SCN2A: variants seen among roughly 807,000 people sequenced by gnomAD.
SCN2A encodes sodium channel protein type 2 subunit alpha.
A neutral mutation model predicts 188.7 loss-of-function variants in SCN2A; 20 were observed. That is an observed-to-expected ratio of 0.11 (90% CI 0.07 to 0.15). The LOEUF is 0.15. SCN2A is among the 10% of genes least tolerant of loss of function. SCN2A has a pLI of 1.00. For missense variants in SCN2A, 1,278 were observed against 2,445.0 expected (o/e 0.52, Z 10.07); for synonymous variants, 804 against 833.1 (o/e 0.97, Z 0.60).
intron 14 of SCN2A, among the ~76,000 whole-genome samples, chr2:165,341,383 G>A (rs926884938): frequency 6.6e-6 from 1 of 152,162 alleles, no homozygotes; most frequent in Non-Finnish European, 1.5e-5. Flanking sequence ...GTGAGCCACC[G>A]CGCCCGGCCC....
intron 16 of SCN2A, among the ~76,000 whole-genome samples, chr2:165,346,657 G>T (rs1226315175): frequency 6.6e-6 from 1 of 152,170 alleles, no homozygotes; most frequent in Non-Finnish European, 1.5e-5. Context: ...ACTATCATCA[G>T]AGTGAACAGG....
At chr2:165,327,469 A>G (rs1698420269) in intron 13 of SCN2A, 2 of 180,216 alleles carry the variant, frequency 1.1e-5, no homozygotes, top group African/African-American at 4.8e-5. Context: ...CTCTGACCAG[A>G]TTCTTACAAT....
chr2:165,303,270 GTTTTTTTTT>G (rs71028477), intron 3 of SCN2A, among the ~76,000 whole-genome samples: 2 of 91,332 alleles, frequency 2.2e-5, no homozygotes, highest in Admixed American at 1.5e-4. Context: ...TGTTATTTGA[GTTTTTTTTT>G]TTTTTTTTTT....
chr2:165,306,502 TTTTGTGTGTGTGTG>T (rs1482420789), intron 3 of SCN2A, among the ~76,000 whole-genome samples: 3 of 118,842 alleles, frequency 2.5e-5, no homozygotes, highest in Admixed American at 1.0e-4. Context: ...TGAAATGGTA[TTTTGTGTGTGTGTG>T]TGTGTGTGTG....
At chr2:165,369,157 G>A (rs919011224) in intron 19 of SCN2A, among the ~76,000 whole-genome samples, 38 of 152,152 alleles carry the variant, frequency 2.5e-4, no homozygotes, top group African/African-American at 9.2e-4. Flanking sequence ...TCGAACTCCT[G>A]GCCTCAAGAG....
At chr2:165,348,358 C>CAAAA (rs559810900) in intron 16 of SCN2A, among the ~76,000 whole-genome samples, 5 of 80,588 alleles carry the variant, frequency 6.2e-5, no homozygotes, top group African/African-American at 2.0e-4. Flanking sequence ...GACTCTGTTG[C>CAAAA]AAAAAAAAAA....
chr2:165,246,385 C>G (rs2106058807), intron 1 of SCN2A, among the ~76,000 whole-genome samples: 1 of 152,154 alleles, frequency 6.6e-6, no homozygotes, highest in South Asian at 2.1e-4. Flanking sequence ...TTCAGACATC[C>G]ACTCCCATGG....
rs372948005 is a variant in SCN2A, at chr2:165,295,789, G to A, written c.-35G>A. The A allele has an allele frequency of 1.2e-6, 2 of 1,613,672 alleles. No individual in the cohort carries two copies. Among genetic ancestry groups the A allele is most frequent in the Non-Finnish European group, 1.7e-6 (2 of 1,179,954 alleles). On this transcript the variant is annotated 5_prime_UTR_variant, in exon 2 of 27. Coordinates refer to ENST00000375437, the MANE Select transcript of SCN2A (RefSeq NM_001040142.2). ...TTTCTGTAGCACTTTCTTATGCAAG[G>A]AGCTAAACAGTGATTAAAGGAGCAG...
At chr2:165,249,046 C>A (rs1184499704) in intron 1 of SCN2A, among the ~76,000 whole-genome samples, 1 of 152,048 alleles carries the variant, frequency 6.6e-6, no homozygotes, top group Non-Finnish European at 1.5e-5. Context: ...TTACTGAAGA[C>A]CTTTTCCTGA....
At chr2:165,370,665 A>G in intron 20 of SCN2A, 1 of 250,108 alleles carries the variant, frequency 4.0e-6, no homozygotes, top group East Asian at 9.1e-5. Flanking sequence ...TATGTTTGTC[A>G]TCACTAAAGC....
At chr2:165,270,798 C>G (rs906464467) in intron 1 of SCN2A, 7 of 152,158 alleles carry the variant, frequency 4.6e-5, no homozygotes, top group Admixed American at 4.6e-4. Context: ...ATCCACGAAG[C>G]CTCTGCACAT....
At chr2:165,379,087 T>C (rs1701462595) in intron 23 of SCN2A, among the ~76,000 whole-genome samples, 1 of 151,842 alleles carries the variant, frequency 6.6e-6, no homozygotes, top group Non-Finnish European at 1.5e-5. Context: ...TTTTTAATAC[T>C]GCAATTCTAC....
chr2:165,343,062 A>G (rs1699396313), intron 15 of SCN2A, among the ~76,000 whole-genome samples: 1 of 152,218 alleles, frequency 6.6e-6, no homozygotes. Flanking sequence ...TATAAAAACT[A>G]TTAGATCTTA....
At chr2:165,270,566 A>G (rs570383668) in intron 1 of SCN2A, 3 of 152,072 alleles carry the variant, frequency 2.0e-5, no homozygotes, top group Non-Finnish European at 4.4e-5. Context: ...TCTGGCTACT[A>G]TCGCCCTTTC....
chr2:165,263,714 A>T (rs937366771), intron 1 of SCN2A, among the ~76,000 whole-genome samples: 2 of 151,898 alleles, frequency 1.3e-5, no homozygotes, highest in African/African-American at 4.8e-5. Context: ...TTATTTTCAT[A>T]TGAATTTTAA....
chr2:165,369,533 A>C (rs1385655691), intron 19 of SCN2A, among the ~76,000 whole-genome samples: 1 of 152,204 alleles, frequency 6.6e-6, no homozygotes, highest in Non-Finnish European at 1.5e-5. Context: ...TTCCGATAAG[A>C]AGATCAAGTT....
chr2:165,336,472 G>C (rs1698998503), intron 14 of SCN2A, among the ~76,000 whole-genome samples: 2 of 151,840 alleles, frequency 1.3e-5, no homozygotes, highest in South Asian at 4.2e-4. Context: ...AGTGAACAAA[G>C]CCAGTCACAA....
At chr2:165,361,837 C>T (rs552999137) in intron 17 of SCN2A, among the ~76,000 whole-genome samples, 3 of 151,942 alleles carry the variant, frequency 2.0e-5, no homozygotes, top group Non-Finnish European at 2.9e-5. Context: ...TACAGTTCAC[C>T]TCATACACTC....
rs1178289931 is a variant in SCN2A at position 165,265,471 on chromosome 2, CTATATATATATATATATATATATA to C, written c.-52+25853_-52+25876del. ...TAGGTTATGTGTTTACTCTGTTGATCTATATATATATATATATATATATATATATATATATATATATATATTGCT... is the reference window on the plus strand; with the variant it reads ...TAGGTTATGTGTTTACTCTGTTGATCTATATATATATATATATATATTGCT... On this transcript the variant is annotated intron_variant, in intron 1 of 26. Transcript: ENST00000375437. Among the ~76,000 whole-genome samples, 96 of 29,026 alleles carry C rather than the reference CTATATATATATATATATATATATA, an allele frequency of 3.3e-3. 7 individuals carry two copies. Among genetic ancestry groups the C allele is most frequent in the Middle Eastern group, 0.031 (1 of 32 alleles). The allele number at this position is 29,026 out of a possible 152,430, so 19.0% of individuals were successfully genotyped here.
Sources: gnomAD v4.1 joint callset for allele counts (sites outside exome capture counted in the v4.1 genomes callset) on GRCh38, gnomAD v4.1.1 for gene constraint, MANE v1.5 for transcripts, NCBI Gene and HGNC (gene_info 2026-07-23, HGNC 2026-07-21) for gene names.